The following DNAJC12 variants were observed in gnomAD, a reference collection of about 807,000 sequenced individuals.
DNAJC12 encodes DnaJ heat shock protein family (Hsp40) member C12.
A neutral mutation model predicts 28.5 loss-of-function variants in DNAJC12; 25 were observed. The ratio of observed to expected loss-of-function variants is 0.88; its 90% confidence interval spans 0.64 to 1.22. DNAJC12 has a LOEUF of 1.22. Among genes scored for constraint, DNAJC12 ranks in the 50% most tolerant of loss-of-function variants. The pLI, the probability that DNAJC12 is intolerant of heterozygous loss-of-function variation, is 0.00. For synonymous variants in DNAJC12, 77 were observed against 80.6 expected (o/e 0.95, Z 0.24); for missense variants, 222 against 231.7 (o/e 0.96, Z 0.27).
At chr10:67,805,042 A>C (rs1841784812) in intron 4 of DNAJC12, among the ~76,000 whole-genome samples, 2 of 152,190 alleles carry the variant, frequency 1.3e-5, no homozygotes, top group Non-Finnish European at 2.9e-5. Context: ...AAAAAAGAAA[A>C]AAAATTAAAT....
intron 3 of DNAJC12, 121 bp downstream of exon 3, chr10:67,811,403 T>G: frequency 6.6e-7 from 1 of 1,525,584 alleles, no homozygotes; most frequent in Non-Finnish European, 8.8e-7. Context: ...ATATCCAGAC[T>G]CTGCTAACTT....
intron 4 of DNAJC12, among the ~76,000 whole-genome samples, chr10:67,798,316 T>G (rs938899282): frequency 6.6e-6 from 1 of 152,124 alleles, no homozygotes; most frequent in Non-Finnish European, 1.5e-5. Flanking sequence ...TTAACAAAAC[T>G]GTTTATATAG....
intron 1 of DNAJC12, among the ~76,000 whole-genome samples, chr10:67,832,803 A>G (rs1289211358): frequency 6.6e-6 from 1 of 152,152 alleles, no homozygotes; most frequent in East Asian, 1.9e-4. Flanking sequence ...CAAAAGGAAA[A>G]ATAATAACCC....
At chr10:67,836,917 A>G (rs1438000875) in intron 1 of DNAJC12, among the ~76,000 whole-genome samples, 2 of 150,442 alleles carry the variant, frequency 1.3e-5, no homozygotes, top group Admixed American at 1.3e-4. Flanking sequence ...AAATACATTA[A>G]TTATAAAACA....
At chr10:67,832,901 C>T (rs193244071) in intron 1 of DNAJC12, among the ~76,000 whole-genome samples, 1 of 152,160 alleles carries the variant, frequency 6.6e-6, no homozygotes, top group Non-Finnish European at 1.5e-5. Context: ...ATTTCATGCA[C>T]CCCCACATGA....
chr10:67,807,420 A>C (rs1361839859), intron 3 of DNAJC12, among the ~76,000 whole-genome samples: 1 of 152,148 alleles, frequency 6.6e-6, no homozygotes, highest in African/African-American at 2.4e-5. Context: ...TGCAAGTATT[A>C]CCCATTTCTC....
chr10:67,830,615 AAAT>A (rs1250284176), intron 1 of DNAJC12, among the ~76,000 whole-genome samples: 60 of 71,872 alleles, frequency 8.3e-4, no homozygotes, highest in African/African-American at 2.5e-3. Flanking sequence ...CTCAAAAAAT[AAAT>A]AAATAAATAA....
intron 1 of DNAJC12, among the ~76,000 whole-genome samples, chr10:67,830,654 T>TA (rs1842084726): frequency 6.6e-6 from 1 of 151,272 alleles, no homozygotes; most frequent in African/African-American, 2.4e-5. Flanking sequence ...AATAAATAAA[T>TA]AAATTTTTTG....
intron 4 of DNAJC12, among the ~76,000 whole-genome samples, chr10:67,797,831 G>C (rs981166267): frequency 6.6e-6 from 1 of 151,960 alleles, no homozygotes; most frequent in African/African-American, 2.4e-5. Context: ...ACGAGGTCAG[G>C]AGATCAAGAC....
chr10:67,811,092 C>T, intron 3 of DNAJC12: 1 of 167,964 alleles, frequency 6.0e-6, no homozygotes, highest in Non-Finnish European at 1.2e-5. Context: ...TCATGGCTTT[C>T]TCTGACTAAT....
At chr10:67,823,182 A>G in intron 2 of DNAJC12, 132 bp downstream of exon 2, 1 of 704,864 alleles carries the variant, frequency 1.4e-6, no homozygotes, top group Non-Finnish European at 2.4e-6. Context: ...TCTATCATCC[A>G]ATAGTGCAAA....
In DNAJC12 at chr10:67,805,828, ATT is replaced by A. The variant is rs755596523; in HGVS notation, c.298-43_298-42del. 5.5e-6 allele frequency: 8 copies of A among 1,444,490 alleles called. No homozygotes were observed. The African/African-American group carries it at 8.7e-5, about 16-fold the overall frequency. 89.5% of individuals were successfully genotyped at this position (1,444,490 alleles called of 1,614,324 possible). A position where few individuals can be genotyped will look rare whatever the true frequency, so the allele number is the denominator to read the frequency against. ...GCAGAGATATAAAAATTAAATTGAT[ATT>A]ATATGATTTTCTATATTTAAAGTTT... On this transcript the variant is annotated intron_variant, in intron 3 of 4. Coordinates refer to ENST00000225171, the MANE Select transcript of DNAJC12 (RefSeq NM_021800.3).
chr10:67,812,846 C>A (rs1182074777), intron 2 of DNAJC12, among the ~76,000 whole-genome samples: 1 of 145,418 alleles, frequency 6.9e-6, no homozygotes, highest in East Asian at 2.2e-4. Context: ...AGCGAGACTC[C>A]ATCTCAAAAA....
At chr10:67,797,915 C>T (rs1395321489) in intron 4 of DNAJC12, among the ~76,000 whole-genome samples, 4 of 151,898 alleles carry the variant, frequency 2.6e-5, no homozygotes, top group African/African-American at 7.3e-5. Flanking sequence ...TGGCGGGCGC[C>T]TGTACTCCCA....
intron 3 of DNAJC12, among the ~76,000 whole-genome samples, chr10:67,808,022 A>G (rs1333312954): frequency 6.6e-6 from 1 of 152,254 alleles, no homozygotes; most frequent in African/African-American, 2.4e-5. Context: ...GACTAACATC[A>G]GAGTGATGCT....
At chr10:67,822,785 C>T (rs934988632) in intron 2 of DNAJC12, among the ~76,000 whole-genome samples, 11 of 151,620 alleles carry the variant, frequency 7.3e-5, no homozygotes, top group Admixed American at 2.6e-4. Context: ...GTCAGGAGTT[C>T]GAAACCGGCC....
chr10:67,797,189 C>T lies in DNAJC12; in HGVS notation c.524G>A (p.Trp175Ter), dbSNP rs370032864. Residue 175 changes from tryptophan to a stop codon, truncating the protein, a stop_gained, in exon 5 of 5, where the codon TGG becomes TAG. Transcript: ENST00000225171. LOFTEE classifies it high-confidence loss of function. ...DSSGFADVNG[W>*]HLRFRWSKDA... is the part of the protein sequence containing the mutation. ...CTTGGACCAGCGGAAACGAAGGTGC[C>T]AACCATTCACATCTGCAAAACCTTT... 157 of 1,613,658 alleles carry T rather than the reference C, an allele frequency of 9.7e-5. No individual in the cohort carries two copies. The Admixed American group carries it at 1.3e-3, about 13-fold the overall frequency.
Position 67,797,324 on chromosome 10 carries a change from G to A in DNAJC12, c.503-114C>T, listed in dbSNP as rs941136065. 9.3e-6 allele frequency: 7 copies of A among 749,760 alleles called. No homozygotes were observed. In the African/African-American group the frequency reaches 1.1e-4, roughly 11 times the overall value. The allele number at this position is 749,760 out of a possible 1,614,324, so 46.4% of individuals were successfully genotyped here. A position where few individuals can be genotyped will look rare whatever the true frequency, so the allele number is the denominator to read the frequency against. On this transcript the variant is annotated intron_variant, in intron 4 of 4. Transcript: ENST00000225171. ...TGCAGCAGGTACAATGTAAGGGTAA[G>A]ACTTTGGTATGAATTATTAACATCT...
At chr10:67,817,728 A>G (rs76106073) in intron 2 of DNAJC12, among the ~76,000 whole-genome samples, 11,758 of 136,850 alleles carry the variant, frequency 0.086, 733 homozygotes, top group East Asian at 0.33. Context: ...AATAAAAAAA[A>G]TCAGCTGGGC....
Sources: gnomAD v4.1 joint callset for allele counts (sites outside exome capture counted in the v4.1 genomes callset) on GRCh38, gnomAD v4.1.1 for gene constraint, MANE v1.5 for transcripts, NCBI Gene and HGNC (gene_info 2026-07-23, HGNC 2026-07-21) for gene names.